Variants in FRAS1 observed in about 807,000 individuals in gnomAD.
The protein encoded by FRAS1 is Fraser extracellular matrix complex subunit 1, also known as extracellular matrix organizing protein FRAS1.
Under a neutral mutation model 435.2 loss-of-function variants are expected in FRAS1, and 290 were observed. That is an observed-to-expected ratio of 0.67 (90% CI 0.61 to 0.73). The LOEUF (loss-of-function observed/expected upper bound fraction) is 0.73. Among genes scored for constraint, FRAS1 ranks in the 30% least tolerant of loss-of-function variants. FRAS1 has a pLI of 0.00. For synonymous variants in FRAS1, 1,800 were observed against 1,851.0 expected, an observed-to-expected ratio of 0.97 and a Z score of 0.71; for missense variants, 4,860 against 5,001.5, an observed-to-expected ratio of 0.97 and a Z score of 0.85.
intron 15 of FRAS1, among the ~76,000 whole-genome samples, chr4:78,311,246 T>C (rs903253764): frequency 6.6e-6 from 1 of 152,186 alleles, no homozygotes; most frequent in Non-Finnish European, 1.5e-5. Context: ...GCAACCATTT[T>C]TTAAAATCTT....
In FRAS1 at chr4:78,281,397, G is replaced by A; in HGVS notation, c.1072-1G>A. 6.4e-7 allele frequency: 1 copy of A among 1,571,218 alleles called. No homozygotes were observed. The highest frequency in any genetic ancestry group is 8.6e-7 in the Non-Finnish European group (1 of 1,157,836). On this transcript the variant is annotated splice_acceptor_variant, in intron 10 of 73. Transcript: ENST00000512123. LOFTEE classifies it high-confidence loss of function. Reference sequence around the variant, plus strand: ...ATAAAGACATTTCTCTTTGTTCCTAGATGTCATCAAATGCTAGTGAAGTTA... The same window carrying A: ...ATAAAGACATTTCTCTTTGTTCCTAAATGTCATCAAATGCTAGTGAAGTTA...
intron 58 of FRAS1, among the ~76,000 whole-genome samples, chr4:78,488,059 G>A (rs573391752): frequency 6.6e-6 from 1 of 152,096 alleles, no homozygotes; most frequent in South Asian, 2.1e-4. Flanking sequence ...CTTGAACCCG[G>A]GAGGTAGAGG....
chr4:78,059,068 G>A (rs1739616365), intron 1 of FRAS1, among the ~76,000 whole-genome samples: 1 of 152,202 alleles, frequency 6.6e-6, no homozygotes, highest in Admixed American at 6.5e-5. Flanking sequence ...TCCAGCTGCG[G>A]GAAGAAGAGT....
At chr4:78,276,015 T>C (rs1353177966) in intron 9 of FRAS1, among the ~76,000 whole-genome samples, 1 of 152,228 alleles carries the variant, frequency 6.6e-6, no homozygotes, top group East Asian at 1.9e-4. Context: ...TGTTCATTTC[T>C]TTTTATTCTT....
intron 27 of FRAS1, 83 bp downstream of exon 27, chr4:78,380,079 T>C (rs1293445020): frequency 6.9e-7 from 1 of 1,444,894 alleles, no homozygotes; most frequent in Non-Finnish European, 9.4e-7. Flanking sequence ...AGCCTCTCTG[T>C]CTCAATAGCT....
intron 14 of FRAS1, among the ~76,000 whole-genome samples, chr4:78,297,732 A>G (rs1420876162): frequency 6.6e-6 from 1 of 152,158 alleles, no homozygotes; most frequent in East Asian, 1.9e-4. Context: ...AATGTTCACA[A>G]TATATAATTT....
chr4:78,496,019 A>T (rs1430195537), intron 59 of FRAS1, among the ~76,000 whole-genome samples: 1 of 152,172 alleles, frequency 6.6e-6, no homozygotes, highest in Non-Finnish European at 1.5e-5. Flanking sequence ...ACTTCTCTCT[A>T]CTCATATATC....
intron 2 of FRAS1, among the ~76,000 whole-genome samples, chr4:78,197,044 G>T (rs1233828414): frequency 6.6e-6 from 1 of 152,218 alleles, no homozygotes; most frequent in South Asian, 2.1e-4. Flanking sequence ...TTATGTGCTG[G>T]AAGCTTGAGA....
chr4:78,475,627 G>A (rs1719832716), intron 54 of FRAS1, 21 bp downstream of exon 54: 1 of 1,519,434 alleles, frequency 6.6e-7, no homozygotes, highest in Non-Finnish European at 8.9e-7. Flanking sequence ...TAGTGGGGTT[G>A]GGGGAGGCTC....
Position 78,472,338 on chromosome 4 carries a change from C to T in FRAS1, c.7522+8C>T, listed in dbSNP as rs369107783. The T allele has an allele frequency of 6.3e-7, 1 of 1,594,468 alleles. No homozygotes were observed. Among genetic ancestry groups the T allele is most frequent in the African/African-American group, 1.3e-5 (1 of 74,312 alleles). ...CTGCCACTTTCACCCAGGGTGGGGA[C>T]TCTCTGGGAACTTAGAAATGGGAGA... On this transcript the variant is annotated splice_region_variant and intron_variant, in intron 52 of 73. Transcript: ENST00000512123.
intron 47 of FRAS1, among the ~76,000 whole-genome samples, chr4:78,459,589 T>C (rs1719308785): frequency 6.6e-6 from 1 of 152,214 alleles, no homozygotes; most frequent in Non-Finnish European, 1.5e-5. Context: ...CCAACCAAAA[T>C]AGGATGCACC....
chr4:78,129,249 G>A (rs1178250012), intron 2 of FRAS1, among the ~76,000 whole-genome samples: 1 of 152,096 alleles, frequency 6.6e-6, no homozygotes, highest in African/African-American at 2.4e-5. Context: ...CTCTTTTTTG[G>A]TTCCATATGA....
Position 78,489,057 on chromosome 4 carries a change from A to G in FRAS1, c.8935A>G (p.Ile2979Val). The change falls in exon 59 of 74, where the codon ATT (isoleucine) becomes GTT (valine). Residue 2979 changes from isoleucine to valine, a missense_variant. Physicochemically the swap from Ile to Val is conservative, Grantham distance 29. Coordinates refer to ENST00000512123, the MANE Select transcript of FRAS1 (RefSeq NM_025074.7). ...EERQNADSSR[I>V]TFLKGDKVKN... ...GAGACAAAATGCAGACTCTTCACGG[A>G]TTACATTTCTCAAAGGGGACAAAGT... is the stretch of plus-strand genomic sequence containing the variant. 1.2e-6 allele frequency: 2 copies of G among 1,613,262 alleles called. No homozygotes were observed. The highest frequency in any genetic ancestry group is 1.7e-6 in the Non-Finnish European group (2 of 1,179,648).
At chr4:78,516,133 G>A in intron 66 of FRAS1, 120 bp downstream of exon 66, 1 of 713,602 alleles carries the variant, frequency 1.4e-6, no homozygotes, top group South Asian at 2.2e-5. Context: ...AACTAAGGGA[G>A]TCTTCTTTAT....
At chr4:78,478,163 CAT>C (rs1719909594) in intron 55 of FRAS1, 102 bp downstream of exon 55, 2 of 1,271,788 alleles carry the variant, frequency 1.6e-6, no homozygotes, top group Non-Finnish European at 2.1e-6. Flanking sequence ...TCTTAACTCA[CAT>C]GTGTACTTTC....
chr4:78,444,340 G>A, intron 41 of FRAS1: 1 of 196,196 alleles, frequency 5.1e-6, no homozygotes, highest in East Asian at 1.7e-4. Flanking sequence ...GTTGCCTAGA[G>A]GAATAAAATC....
At chr4:78,222,842 A>C (rs1724114674) in intron 2 of FRAS1, among the ~76,000 whole-genome samples, 1 of 152,194 alleles carries the variant, frequency 6.6e-6, no homozygotes, top group Admixed American at 6.5e-5. Flanking sequence ...TAGTACTGTC[A>C]GCTAATTGGA....
intron 65 of FRAS1, among the ~76,000 whole-genome samples, chr4:78,515,374 A>C (rs1304448290): frequency 2.7e-5 from 4 of 150,060 alleles, no homozygotes; most frequent in Non-Finnish European, 5.9e-5. Context: ...TTTAAAAATC[A>C]CTCTTAAAAT....
chr4:78,385,936 G>A (rs1732203200), intron 28 of FRAS1, among the ~76,000 whole-genome samples: 1 of 151,578 alleles, frequency 6.6e-6, no homozygotes, highest in Non-Finnish European at 1.5e-5. Context: ...TTAGGACAGA[G>A]GGCTACATCC....
Sources: gnomAD v4.1 joint callset for allele counts (sites outside exome capture counted in the v4.1 genomes callset) on GRCh38, gnomAD v4.1.1 for gene constraint, MANE v1.5 for transcripts, NCBI Gene and HGNC (gene_info 2026-07-23, HGNC 2026-07-21) for gene names.